PACSIN1: variants seen among roughly 807,000 people sequenced by gnomAD.
PACSIN1 encodes protein kinase C and casein kinase substrate in neurons protein 1.
Under a neutral mutation model 59.5 loss-of-function variants are expected in PACSIN1, and 15 were observed. The ratio of observed to expected loss-of-function variants is 0.25; its 90% CI spans 0.17 to 0.39. The LOEUF (loss-of-function observed/expected upper bound fraction) is 0.39, where lower values mean the gene tolerates loss of function less well. Among genes scored for constraint, PACSIN1 ranks in the 10% least tolerant of loss-of-function variants. The pLI is 1.00. For synonymous variants in PACSIN1, 210 were observed against 220.6 expected (o/e 0.95, Z 0.42); for missense variants, 420 against 580.2 (o/e 0.72, Z 2.84).
rs1767668066 is a variant in PACSIN1 at position 34,534,957 on chromosome 6, G to A, written c.*2427G>A. On this transcript the variant is annotated 3_prime_UTR_variant, in exon 10 of 10. Transcript: ENST00000244458. ...GCACGGGCCCGCCCTGGTGGGGCTC[G>A]GCGAGTAATGTGTTTTGTCCCCAGT... 3 of 152,652 alleles carry A rather than the reference G, an allele frequency of 2.0e-5. No homozygotes were observed. The highest frequency in any genetic ancestry group is 1.9e-4 in the East Asian group (1 of 5,186). The allele number at this position is 152,652 out of a possible 1,614,324, so 9.5% of individuals were successfully genotyped here.
At chr6:34,502,765 C>T (rs1204615863) in intron 1 of PACSIN1, among the ~76,000 whole-genome samples, 3 of 152,070 alleles carry the variant, frequency 2.0e-5, no homozygotes, top group Non-Finnish European at 2.9e-5. Flanking sequence ...CGCGCCTGGC[C>T]GAAGAAGCCA....
At chr6:34,495,611 C>A (rs1383051444) in intron 1 of PACSIN1, among the ~76,000 whole-genome samples, 1 of 152,148 alleles carries the variant, frequency 6.6e-6, no homozygotes, top group Non-Finnish European at 1.5e-5. Context: ...CGCCACCACA[C>A]CCAGCTAATT....
At position 34,473,220 on chromosome 6, in the gene PACSIN1, G is replaced by A. The variant is rs185776074; in HGVS notation, c.-64+6950G>A. Among the ~76,000 whole-genome samples the A allele has an allele frequency of 6.1e-3, 779 of 127,232 alleles. 6 individuals carry two copies. The highest frequency in any genetic ancestry group is 0.017 in the African/African-American group (576 of 34,694). 83.5% of individuals were successfully genotyped at this position (127,232 alleles called of 152,430 possible). A position where few individuals can be genotyped will look rare whatever the true frequency, so the allele number is the denominator to read the frequency against. ...GGAAAGGCTGGTCAGATCCAGAGACGGGGCGGGGGGCGGGGGGGTACATTC... is the reference window on the plus strand; with the variant it reads ...GGAAAGGCTGGTCAGATCCAGAGACAGGGCGGGGGGCGGGGGGGTACATTC... On this transcript the variant is annotated intron_variant, in intron 1 of 9. Transcript: ENST00000244458.
At chr6:34,512,015 GC>G (rs2127264237) in intron 1 of PACSIN1, among the ~76,000 whole-genome samples, 1 of 152,278 alleles carries the variant, frequency 6.6e-6, no homozygotes, top group Admixed American at 6.5e-5. Flanking sequence ...AGGAACAGGA[GC>G]TGAGGTTGGG....
intron 1 of PACSIN1, among the ~76,000 whole-genome samples, chr6:34,487,736 G>A (rs575632691): frequency 1.3e-5 from 2 of 152,286 alleles, no homozygotes; most frequent in African/African-American, 4.8e-5. Context: ...TGTCTCTGGG[G>A]AGGAGGCATA....
At position 34,532,608 on chromosome 6, in the gene PACSIN1, C is replaced by T; in HGVS notation, c.*78C>T. 1.4e-6 allele frequency: 1 copy of T among 740,320 alleles called. No individual in the cohort carries two copies. Among genetic ancestry groups the T allele is most frequent in the South Asian group, 1.8e-5 (1 of 56,410 alleles). The allele number at this position is 740,320 out of a possible 1,614,324, so 45.9% of individuals were successfully genotyped here. ...TCCCACTCTCGTCTCCTTCCCCTCGCCATAGAGTTCCAGACATATTTTCCG... is the reference window on the plus strand; with the variant it reads ...TCCCACTCTCGTCTCCTTCCCCTCGTCATAGAGTTCCAGACATATTTTCCG... On this transcript the variant is annotated 3_prime_UTR_variant, in exon 10 of 10. Coordinates refer to ENST00000244458, the MANE Select transcript of PACSIN1 (RefSeq NM_020804.5). This position sits in a 1 kb window ranked among gnomAD's most constrained non-coding sequence, Gnocchi z 5.2.
intron 2 of PACSIN1, among the ~76,000 whole-genome samples, chr6:34,526,658 AG>A (rs1767487045): frequency 6.6e-6 from 1 of 152,224 alleles, no homozygotes; most frequent in African/African-American, 2.4e-5. Flanking sequence ...AGGCAGGTAC[AG>A]CACAGCCTTT....
intron 1 of PACSIN1, among the ~76,000 whole-genome samples, chr6:34,491,876 T>C (rs1007225959): frequency 1.3e-5 from 2 of 152,074 alleles, no homozygotes; most frequent in African/African-American, 4.8e-5. Flanking sequence ...CCTCCCAAAG[T>C]GCTGGGATTA....
At chr6:34,486,974 G>C (rs1331243156) in intron 1 of PACSIN1, among the ~76,000 whole-genome samples, 1 of 148,412 alleles carries the variant, frequency 6.7e-6, no homozygotes, top group East Asian at 2.0e-4. Context: ...TGAGACCAGC[G>C]TGGGCAACAT....
chr6:34,472,068 C>T (rs781601387), intron 1 of PACSIN1, among the ~76,000 whole-genome samples: 21 of 151,800 alleles, frequency 1.4e-4, no homozygotes, highest in South Asian at 6.2e-4. Flanking sequence ...GTCAGGAGTT[C>T]GAGACCAACC....
At chr6:34,468,846 T>C (rs1766532400) in intron 1 of PACSIN1, among the ~76,000 whole-genome samples, 1 of 152,210 alleles carries the variant, frequency 6.6e-6, no homozygotes, top group Non-Finnish European at 1.5e-5. Flanking sequence ...GTGTGCTGTT[T>C]CCGGTGGCCC....
chr6:34,512,240 G>A (rs1169505387), intron 1 of PACSIN1, among the ~76,000 whole-genome samples: 3 of 151,902 alleles, frequency 2.0e-5, no homozygotes, highest in Non-Finnish European at 2.9e-5. Flanking sequence ...GGGGAAGGAG[G>A]GGGAGACAGA....
chr6:34,493,687 G>C (rs1413424680), intron 1 of PACSIN1, among the ~76,000 whole-genome samples: 1 of 152,166 alleles, frequency 6.6e-6, no homozygotes, highest in Admixed American at 6.5e-5. Context: ...TGAGATGTGG[G>C]GAGCCCTTGG....
intron 1 of PACSIN1, among the ~76,000 whole-genome samples, chr6:34,520,139 A>AG (rs1767362799): frequency 6.6e-6 from 1 of 151,978 alleles, no homozygotes; most frequent in African/African-American, 2.4e-5. Flanking sequence ...GGGAGACATG[A>AG]GCAAAGGGGC....
Position 34,515,446 on chromosome 6 carries a change from G to A in PACSIN1, c.-63-10797G>A, listed in dbSNP as rs901939187. On this transcript the variant is annotated intron_variant, in intron 1 of 9. Transcript: ENST00000244458. The surrounding 1 kb of genome is among the most constrained non-coding windows in gnomAD (Gnocchi z 4.4). Reference sequence around the variant, plus strand: ...GGTATGCGGCAGAGGGCAGGGAGGAGTAAGGATGCCCCTGCCCCACTCAAG... The same window carrying A: ...GGTATGCGGCAGAGGGCAGGGAGGAATAAGGATGCCCCTGCCCCACTCAAG... Among the ~76,000 whole-genome samples, 1 of 152,158 alleles carries A rather than the reference G, an allele frequency of 6.6e-6. No homozygotes were observed. Among genetic ancestry groups the A allele is most frequent in the African/African-American group, 2.4e-5 (1 of 41,432 alleles).
Position 34,530,467 on chromosome 6 carries a change from A to G in PACSIN1, c.917A>G (p.Asn306Ser), listed in dbSNP as rs1372248546. 1 of 1,602,266 alleles carries G rather than the reference A, an allele frequency of 6.2e-7. No individual in the cohort carries two copies. The highest frequency in any genetic ancestry group is 8.5e-7 in the Non-Finnish European group (1 of 1,174,122). Residue 306 changes from asparagine to serine, a missense_variant, in exon 8 of 10, where the codon AAC (asparagine) becomes AGC (serine). Physicochemically the swap from Asn to Ser is conservative, Grantham distance 46. Coordinates refer to ENST00000244458, the MANE Select transcript of PACSIN1 (RefSeq NM_020804.5). This position sits in a 1 kb window ranked among gnomAD's most constrained non-coding sequence, Gnocchi z 4.4. ...CTCCACTGGCCCCACCAGGAGTGGA[A>G]CCCAGACCTTCCTCACACCACCACC... ...PMNWPQFEEW[N>S]PDLPHTTTKK... is the part of the protein sequence containing the mutation.
chr6:34,473,335 G>C (rs941995293), intron 1 of PACSIN1, among the ~76,000 whole-genome samples: 1 of 152,166 alleles, frequency 6.6e-6, no homozygotes, highest in East Asian at 1.9e-4. Context: ...ATAGGAACAC[G>C]AGAGAGGACA....
intron 2 of PACSIN1, among the ~76,000 whole-genome samples, chr6:34,527,101 G>C (rs1415903925): frequency 6.6e-6 from 1 of 152,040 alleles, no homozygotes; most frequent in Non-Finnish European, 1.5e-5. Context: ...TGGGGTGAGG[G>C]TGCGTGTAGA....
chr6:34,491,615 CT>C (rs571524378), intron 1 of PACSIN1, among the ~76,000 whole-genome samples: 194 of 143,922 alleles, frequency 1.3e-3, no homozygotes, highest in Admixed American at 2.0e-3. Flanking sequence ...ATTTTCTTTT[CT>C]TTTTTTTTTT....
Sources: allele counts gnomAD v4.1 joint callset (sites outside exome capture counted in the v4.1 genomes callset), GRCh38; gene constraint gnomAD v4.1.1; non-coding constraint Gnocchi (gnomAD v3.1); transcripts MANE v1.5; gene names NCBI Gene and HGNC (gene_info 2026-07-23, HGNC 2026-07-21).